Variants in ARMC9 observed in about 807,000 individuals in gnomAD.
The protein encoded by ARMC9 is armadillo repeat containing 9.
A neutral mutation model predicts 107.0 loss-of-function variants in ARMC9; 94 were observed. The ratio of observed to expected loss-of-function variants is 0.88; its 90% confidence interval spans 0.74 to 1.04. The LOEUF (loss-of-function observed/expected upper bound fraction) is 1.04, where lower values mean the gene tolerates loss of function less well. ARMC9 is among the 50% of genes least tolerant of loss of function. The probability of loss-of-function intolerance (pLI) is 0.00; values close to 1 mark genes in which losing one functional copy is unlikely to be tolerated. For missense variants in ARMC9, 942 were observed against 1,030.1 expected (o/e 0.91, Z 1.17); for synonymous variants, 380 against 396.9 (o/e 0.96, Z 0.51).
chr2:231,221,608 C>T (rs192416155), intron 5 of ARMC9, among the ~76,000 whole-genome samples: 5 of 151,488 alleles, frequency 3.3e-5, no homozygotes, highest in African/African-American at 1.2e-4. Context: ...GCAGGTAGAT[C>T]ACTTGAGGTC....
chr2:231,303,610 C>T (rs1248548305), intron 19 of ARMC9, among the ~76,000 whole-genome samples: 1 of 152,090 alleles, frequency 6.6e-6, no homozygotes, highest in African/African-American at 2.4e-5. Context: ...TTGATTTTTT[C>T]CCTTTCATAC....
At chr2:231,207,579 G>A (rs942033622) in intron 2 of ARMC9, among the ~76,000 whole-genome samples, 2 of 151,750 alleles carry the variant, frequency 1.3e-5, no homozygotes, top group East Asian at 2.0e-4. Context: ...GGGCTCAAGC[G>A]ATTCTCCTGC....
intron 13 of ARMC9, 57 bp from the exon 14 acceptor site, chr2:231,272,898 G>T: frequency 6.3e-7 from 1 of 1,583,926 alleles, no homozygotes; most frequent in Non-Finnish European, 8.6e-7. Context: ...TGGTTTTGTA[G>T]CATACCAGAT....
chr2:231,335,097 G>A (rs1473668890), intron 20 of ARMC9, among the ~76,000 whole-genome samples: 1 of 152,210 alleles, frequency 6.6e-6, no homozygotes, highest in African/African-American at 2.4e-5. Context: ...GCCCAACACA[G>A]CGGAATGCCG....
rs369245767 is a variant in ARMC9, at chr2:231,374,603, AAAAAG to A, written c.*3077_*3081del. ...GTTGAACAAATAAGGTTCATGAAAA[AAAAAG>A]AAAAGAAAGAAAAGGTAAAGAAAAG... On this transcript the variant is annotated 3_prime_UTR_variant, in exon 25 of 25. Coordinates refer to ENST00000611582, the MANE Select transcript of ARMC9 (RefSeq NM_001352754.2). 6.6e-6 allele frequency: 1 copy of A among 151,954 alleles called. No individual in the cohort carries two copies. The highest frequency in any genetic ancestry group is 2.4e-5 in the African/African-American group (1 of 41,350). 9.4% of individuals were successfully genotyped at this position (151,954 alleles called of 1,614,324 possible).
At position 231,206,261 on chromosome 2, in the gene ARMC9, A is replaced by G; in HGVS notation, c.23A>G (p.Glu8Gly). ...AATATGGGGGACATTCTGGCTCATG[A>G]ATCTGAATTACTTGGACTAGTGAAA... The part of the protein sequence containing the change: MGDILAH[E>G]SELLGLVKEY... Residue 8 changes from glutamate to glycine, a missense_variant, in exon 2 of 25, where the codon GAA becomes GGA. Physicochemically the swap from Glu to Gly is moderately conservative, Grantham distance 98. Coordinates refer to ENST00000611582, the MANE Select transcript of ARMC9 (RefSeq NM_001352754.2). 1 of 1,613,840 alleles carries G rather than the reference A, an allele frequency of 6.2e-7. No homozygotes were observed. The highest frequency in any genetic ancestry group is 8.5e-7 in the Non-Finnish European group (1 of 1,179,722).
intron 19 of ARMC9, among the ~76,000 whole-genome samples, chr2:231,301,545 T>A (rs916875469): frequency 3.3e-5 from 5 of 152,216 alleles, no homozygotes; most frequent in African/African-American, 1.2e-4. Flanking sequence ...TTTGCTACAT[T>A]GTACATTTCC....
intron 1 of ARMC9, 88 bp from the exon 2 acceptor site, chr2:231,206,110 G>A: frequency 1.3e-6 from 1 of 776,302 alleles, no homozygotes; most frequent in African/African-American, 1.8e-5. Flanking sequence ...TGTCTTTGGG[G>A]GCCATTATTC....
chr2:231,355,698 G>A (rs972254582), intron 21 of ARMC9, 100 bp from the exon 22 acceptor site: 71 of 1,363,258 alleles, frequency 5.2e-5, no homozygotes, highest in African/African-American at 8.7e-5. Context: ...AGACTTTGAG[G>A]CACCGCCCCC....
chr2:231,208,075 A>G lies in ARMC9; in HGVS notation c.52-52A>G, dbSNP rs1194203802. The G allele has an allele frequency of 5.8e-6, 5 of 855,512 alleles. No individual in the cohort carries two copies. In the South Asian group the frequency reaches 8.1e-5, roughly 14 times the overall value. The allele number at this position is 855,512 out of a possible 1,614,324, so 53.0% of individuals were successfully genotyped here. A position where few individuals can be genotyped will look rare whatever the true frequency, so the allele number is the denominator to read the frequency against. On this transcript the variant is annotated intron_variant, in intron 2 of 24. Coordinates refer to ENST00000611582, the MANE Select transcript of ARMC9 (RefSeq NM_001352754.2). The stretch of plus-strand genomic sequence containing the variant: ...ATTCAGATCCTTTGGCTGTTTTTTA[A>G]TTGGATTATTTGTTTGTTTTGCTGT...
chr2:231,324,221 A>G (rs187125397), intron 19 of ARMC9, among the ~76,000 whole-genome samples: 5 of 128,260 alleles, frequency 3.9e-5, no homozygotes, highest in South Asian at 2.5e-4. Flanking sequence ...TCCGCCTCCC[A>G]GGTTCAAGCG....
At chr2:231,230,825 A>G (rs568184625) in intron 7 of ARMC9, among the ~76,000 whole-genome samples, 2 of 152,326 alleles carry the variant, frequency 1.3e-5, no homozygotes, top group African/African-American at 4.8e-5. Flanking sequence ...GATATGAAAA[A>G]AAGTCTGTAT....
rs2125321079 is a variant in ARMC9 at position 231,214,853 on chromosome 2, A to G, written c.200A>G (p.Asp67Gly). The change falls in exon 4 of 25, where the codon GAC becomes GGC. Residue 67 changes from aspartate (D) to glycine (G), a missense_variant. Coordinates refer to ENST00000611582, the MANE Select transcript of ARMC9 (RefSeq NM_001352754.2). ...CAGAAGGATCTTGTCGCTGCATTTG[A>G]CAACGGAGACCAGAAGGTGTTCTTC... ...TIQKDLVAAF[D>G]NGDQKVFFDL... 1 of 1,614,188 alleles carries G rather than the reference A, an allele frequency of 6.2e-7. No homozygotes were observed. The highest frequency in any genetic ancestry group is 8.5e-7 in the Non-Finnish European group (1 of 1,180,030).
At chr2:231,226,848 G>C in intron 7 of ARMC9, 50 bp downstream of exon 7, 2 of 1,569,028 alleles carry the variant, frequency 1.3e-6, no homozygotes, top group Non-Finnish European at 8.8e-7. Flanking sequence ...GCCAGTTCAG[G>C]TTTGAAGTAG....
intron 17 of ARMC9, among the ~76,000 whole-genome samples, chr2:231,285,027 G>A (rs2040484572): frequency 6.6e-6 from 1 of 151,942 alleles, no homozygotes; most frequent in Non-Finnish European, 1.5e-5. Flanking sequence ...GTGAAACCCC[G>A]TCTCTACTAA....
Position 231,278,418 on chromosome 2 carries a change from T to C in ARMC9, c.1511T>C (p.Leu504Pro), listed in dbSNP as rs1014371892. ...TGTGCCAAGGTGGCAGGCCTCGTGC[T>C]CAAAGTCCTTTCGGATCTTCTTGGC... ...NMCAKVAGLV[L>P]KVLSDLLGHE... The change falls in exon 16 of 25, where the codon CTC (leucine) becomes CCC (proline). Residue 504 changes from leucine (L) to proline (P), a missense_variant. Transcript: ENST00000611582. 9 of 1,614,054 alleles carry C rather than the reference T, an allele frequency of 5.6e-6. No homozygotes were observed. The highest frequency in any genetic ancestry group is 7.6e-6 in the Non-Finnish European group (9 of 1,180,020).
intron 19 of ARMC9, among the ~76,000 whole-genome samples, chr2:231,315,794 T>C (rs2042638309): frequency 6.6e-6 from 1 of 152,224 alleles, no homozygotes; most frequent in African/African-American, 2.4e-5. Flanking sequence ...AGTGTTCTAT[T>C]TATCTCTTTG....
intron 21 of ARMC9, among the ~76,000 whole-genome samples, chr2:231,346,178 T>C (rs1037368658): frequency 1.8e-4 from 27 of 152,346 alleles, no homozygotes; most frequent in South Asian, 2.1e-4. Flanking sequence ...CCCTTTTCTC[T>C]CTTAAACTTA....
At chr2:231,286,136 GAC>G (rs2040572753) in intron 17 of ARMC9, among the ~76,000 whole-genome samples, 1 of 152,108 alleles carries the variant, frequency 6.6e-6, no homozygotes, top group East Asian at 1.9e-4. Context: ...ATTTTTTTGA[GAC>G]AGCGTCTTGC....
Sources: gnomAD v4.1 joint callset for allele counts (sites outside exome capture counted in the v4.1 genomes callset) on GRCh38, gnomAD v4.1.1 for gene constraint, MANE v1.5 for transcripts, NCBI Gene and HGNC (gene_info 2026-07-23, HGNC 2026-07-21) for gene names.